The following ARVCF variants were observed in gnomAD, a reference collection of about 807,000 sequenced individuals.
ARVCF encodes the protein splicing regulator ARVCF.
A neutral mutation model predicts 90.9 loss-of-function variants in ARVCF; 66 were observed. The observed-to-expected ratio is 0.73, with a 90% CI of 0.60 to 0.89. The LOEUF (loss-of-function observed/expected upper bound fraction) is 0.89. ARVCF is among the 40% of genes least tolerant of loss of function. The pLI, the probability that ARVCF is intolerant of heterozygous loss-of-function variation, is 0.00. For synonymous variants in ARVCF, 653 were observed against 603.4 expected (o/e 1.08, Z -1.21); for missense variants, 1,469 against 1,382.3 (o/e 1.06, Z -1.00).
At position 19,978,025 on chromosome 22, in the gene ARVCF, T is replaced by G; in HGVS notation, c.1631A>C (p.Glu544Ala). Residue 544 changes from glutamate to alanine, a missense_variant, in exon 8 of 20, where the codon GAA becomes GCA. Physicochemically the swap from Glu to Ala is moderately radical, Grantham distance 107. Coordinates refer to ENST00000263207, the MANE Select transcript of ARVCF (RefSeq NM_001670.3). ...AEARRRLREC[E>A]GLVDALLHAL... ...ATGCAGGAGCGCGTCCACCAGCCCT[T>G]CACACTCCCGGAGTCGCCGCCGGGC... 1.9e-6 allele frequency: 3 copies of G among 1,611,924 alleles called. No individual in the cohort carries two copies. Among genetic ancestry groups the G allele is most frequent in the Non-Finnish European group, 2.5e-6 (3 of 1,179,512 alleles).
At chr22:19,968,665 G>A, downstream of ARVCF, 3 of 1,613,978 alleles carry the variant, frequency 1.9e-6, no homozygotes, top group Non-Finnish European at 2.5e-6. Context: ...ATCGTTCCTG[G>A]AATACAGGGA....
intron 3 of ARVCF, among the ~76,000 whole-genome samples, chr22:19,983,990 C>CA (rs1943635084): frequency 6.6e-6 from 1 of 152,182 alleles, no homozygotes; most frequent in African/African-American, 2.4e-5. Context: ...CTGTATCTGG[C>CA]AAATGTGTGT....
At chr22:20,016,526 T>TCCCGGCTCCGACCCGAGGCCCCAGC (rs1945186392) in intron 1 of ARVCF, 63 bp downstream of exon 1, 1 of 151,842 alleles carries the variant, frequency 6.6e-6, no homozygotes, top group Admixed American at 6.5e-5. Flanking sequence ...CCGCCCCCAG[T>TCCCGGCTCCGACCCGAGGCCCCAGC]CCCGGCTCCG....
rs1194967954 is a variant in ARVCF, at chr22:19,979,084, T to C, written c.1397-4A>G. The C allele has an allele frequency of 1.2e-6, 2 of 1,610,556 alleles. No individual in the cohort carries two copies. The highest frequency in any genetic ancestry group is 1.1e-5 in the South Asian group (1 of 91,034). On this transcript the variant is annotated splice_region_variant and splice_polypyrimidine_tract_variant and intron_variant, in intron 6 of 19. Coordinates refer to ENST00000263207, the MANE Select transcript of ARVCF (RefSeq NM_001670.3). Reference sequence around the variant, plus strand: ...GATGACAGGTTCCACAGGGTGCCTGTGGGGTGCGATTGGCCAATCTGTGCT... The same window carrying C: ...GATGACAGGTTCCACAGGGTGCCTGCGGGGTGCGATTGGCCAATCTGTGCT...
At chr22:19,987,411 G>T (rs1213467399) in intron 3 of ARVCF, among the ~76,000 whole-genome samples, 1 of 141,764 alleles carries the variant, frequency 7.1e-6, no homozygotes. Context: ...CCCACTGCCG[G>T]CCTGGACTTC....
chr22:19,981,726 A>G lies in ARVCF; in HGVS notation c.381T>C (p.Thr127=). Residue 127 remains threonine (T), a synonymous_variant, in exon 5 of 20, where the codon ACT becomes ACC. Coordinates refer to ENST00000263207, the MANE Select transcript of ARVCF (RefSeq NM_001670.3). ...TRRTETKVTK[T]VKTVTTRTVR... ...CTGTCCGAGTGGTCACCGTCTTGAC[A>G]GTCTTGGTGACCTGGTGGATGGATA... 6.4e-7 allele frequency: 1 copy of G among 1,565,978 alleles called. No individual in the cohort carries two copies. Among genetic ancestry groups the G allele is most frequent in the South Asian group, 1.2e-5 (1 of 84,582 alleles).
At chr22:19,979,441 G>A (rs1013767960) in intron 6 of ARVCF, 3 of 544,680 alleles carry the variant, frequency 5.5e-6, no homozygotes, top group African/African-American at 3.8e-5. Context: ...CACGGTTGGG[G>A]TGGGAACCAA....
At chr22:19,966,833 GAGGCTCCAACTCTTGA>G (rs1942426866), downstream of ARVCF, 1 of 640,332 alleles carries the variant, frequency 1.6e-6, no homozygotes, top group African/African-American at 2.0e-5. Context: ...CAACCTCTGT[GAGGCTCCAACTCTTGA>G]AGGGAGGAGA....
At position 19,990,576 on chromosome 22, in the gene ARVCF, G is replaced by C; in HGVS notation, c.210+9C>G. The stretch of plus-strand genomic sequence containing the variant: ...AATTTTCACCCTTCCCAAGTCACTA[G>C]GCTGTTACCTGGAGGACCAGCTGTT... On this transcript the variant is annotated intron_variant, in intron 3 of 19. Coordinates refer to ENST00000263207, the MANE Select transcript of ARVCF (RefSeq NM_001670.3). 1 of 1,602,360 alleles carries C rather than the reference G, an allele frequency of 6.2e-7. No homozygotes were observed. Among genetic ancestry groups the C allele is most frequent in the Non-Finnish European group, 8.5e-7 (1 of 1,172,830 alleles).
intron 3 of ARVCF, chr22:19,986,636 G>A (rs1037552974): frequency 4.4e-5 from 7 of 160,304 alleles, no homozygotes; most frequent in African/African-American, 1.4e-4. Context: ...CCCTCTCAGG[G>A]AGCAGAAGGC....
intron 2 of ARVCF, among the ~76,000 whole-genome samples, chr22:19,998,845 C>T (rs1298849429): frequency 6.6e-6 from 1 of 152,152 alleles, no homozygotes; most frequent in African/African-American, 2.4e-5. Flanking sequence ...AGGACTGGCC[C>T]TGGCATCTGG....
At chr22:20,002,117 C>T (rs1944467415) in intron 2 of ARVCF, among the ~76,000 whole-genome samples, 1 of 152,240 alleles carries the variant, frequency 6.6e-6, no homozygotes, top group Non-Finnish European at 1.5e-5. Flanking sequence ...TCCAACGGGG[C>T]TATCAGCGTC....
chr22:19,966,125 A>C (rs1314690737), downstream of ARVCF, among the ~76,000 whole-genome samples: 1 of 152,270 alleles, frequency 6.6e-6, no homozygotes, highest in Non-Finnish European at 1.5e-5. Flanking sequence ...GCTGGTAATT[A>C]TCTCAAAAGA....
At chr22:20,012,532 T>C (rs1370820419) in intron 1 of ARVCF, among the ~76,000 whole-genome samples, 1 of 152,222 alleles carries the variant, frequency 6.6e-6, no homozygotes, top group East Asian at 1.9e-4. Flanking sequence ...CTCTGCAAGC[T>C]CTGGGGTCAC....
At chr22:20,016,006 G>T (rs1945097131) in intron 1 of ARVCF, among the ~76,000 whole-genome samples, 1 of 152,204 alleles carries the variant, frequency 6.6e-6, no homozygotes. Flanking sequence ...CTCCGCACCG[G>T]CACCGAGGGG....
At chr22:19,983,055 G>A (rs1943588936) in intron 3 of ARVCF, among the ~76,000 whole-genome samples, 1 of 152,224 alleles carries the variant, frequency 6.6e-6, no homozygotes, top group African/African-American at 2.4e-5. Context: ...GTGGCTTGAG[G>A]ACCTAAGACT....
intron 1 of ARVCF, among the ~76,000 whole-genome samples, chr22:20,015,349 C>T (rs1481060937): frequency 6.6e-6 from 1 of 152,170 alleles, no homozygotes; most frequent in African/African-American, 2.4e-5. Context: ...GAAATGCCTT[C>T]CCAGACACGC....
chr22:19,986,835 C>G (rs573173290), intron 3 of ARVCF, among the ~76,000 whole-genome samples: 1 of 152,226 alleles, frequency 6.6e-6, no homozygotes, highest in South Asian at 2.1e-4. Context: ...CCCCAGGCCC[C>G]GCGGATGGGC....
chr22:19,965,925 C>T (rs1048146776), downstream of ARVCF, among the ~76,000 whole-genome samples: 1 of 152,216 alleles, frequency 6.6e-6, no homozygotes, highest in Non-Finnish European at 1.5e-5. Flanking sequence ...TGGCAGAGAG[C>T]TGGCACTCAG....
Sources: gnomAD v4.1 joint callset for allele counts (sites outside exome capture counted in the v4.1 genomes callset) on GRCh38, gnomAD v4.1.1 for gene constraint, MANE v1.5 for transcripts, NCBI Gene and HGNC (gene_info 2026-07-23, HGNC 2026-07-21) for gene names.